WIPF1: variants seen among roughly 807,000 people sequenced by gnomAD.
WIPF1 encodes the protein WAS/WASL-interacting protein family member 1.
Under a neutral mutation model 35.4 loss-of-function variants are expected in WIPF1, and 13 were observed. The observed-to-expected ratio is 0.37, with a 90% CI of 0.24 to 0.58. WIPF1 has a LOEUF of 0.58. Among genes scored for constraint, WIPF1 ranks in the 20% least tolerant of loss-of-function variants. The pLI, the probability that WIPF1 is intolerant of heterozygous loss-of-function variation, is 0.74. For synonymous variants in WIPF1, 267 were observed against 266.3 expected, an observed-to-expected ratio of 1.00 and a Z score of -0.02; for missense variants, 591 against 667.0, an observed-to-expected ratio of 0.89 and a Z score of 1.25.
At chr2:174,573,657 G>A (rs566951632) in intron 4 of WIPF1, among the ~76,000 whole-genome samples, 31 of 152,292 alleles carry the variant, frequency 2.0e-4, no homozygotes, top group African/African-American at 6.3e-4. Context: ...GCCAGCAGGT[G>A]CAGAGGCCCT....
Position 174,582,827 on chromosome 2 carries a change from A to G in WIPF1, c.52-1388T>C, listed in dbSNP as rs149029209. Among the ~76,000 whole-genome samples, 10 of 152,360 alleles carry G rather than the reference A, an allele frequency of 6.6e-5. No homozygotes were observed. In the East Asian group the frequency reaches 1.9e-3, roughly 29 times the overall value. ...GTGGTAAAGTTGGAAGCATCTTGAA[A>G]TAACTAAATGATGAAGTATTACTTG... On this transcript the variant is annotated intron_variant, in intron 2 of 7. Transcript: ENST00000679041.
chr2:174,560,097 A>T lies in WIPF1; in HGVS notation c.*2450T>A, dbSNP rs2358888. On this transcript the variant is annotated 3_prime_UTR_variant, in exon 8 of 8. Coordinates refer to ENST00000679041, the MANE Select transcript of WIPF1 (RefSeq NM_001375834.1). ...GAATACATTTATCTGAAAATGTTAT[A>T]AAAAAACACACATGTAAGCTCTGAT... is the stretch of plus-strand genomic sequence containing the variant. 8,848 of 152,610 alleles carry T rather than the reference A, an allele frequency of 0.058. 295 individuals are homozygous for T. The highest frequency in any genetic ancestry group is 0.17 in the Middle Eastern group (51 of 294). 9.5% of individuals were successfully genotyped at this position (152,610 alleles called of 1,614,324 possible).
At position 174,567,147 on chromosome 2, in the gene WIPF1, G is replaced by C. The variant is rs1229465921; in HGVS notation, c.1379C>G (p.Ser460Cys). Residue 460 changes from serine (S) to cysteine (C), a missense_variant, in exon 7 of 8, where the codon TCC becomes TGC. By Grantham distance (112) the Ser-to-Cys change is moderately radical. Transcript: ENST00000679041. ...WESRFYFHPI[S>C]DLPPPEPYVQ... ...ATATGGCTCTGGAGGTGGCAAATCGGAAATCGGATGGAAGTAGAATCTGCT... is the reference window on the plus strand; with the variant it reads ...ATATGGCTCTGGAGGTGGCAAATCGCAAATCGGATGGAAGTAGAATCTGCT... 1 of 1,614,244 alleles carries C rather than the reference G, an allele frequency of 6.2e-7. No homozygotes were observed. Among genetic ancestry groups the C allele is most frequent in the Non-Finnish European group, 8.5e-7 (1 of 1,180,038 alleles).
chr2:174,647,558 G>C (rs1348576789), intron 1 of WIPF1, among the ~76,000 whole-genome samples: 1 of 151,568 alleles, frequency 6.6e-6, no homozygotes. Flanking sequence ...ATTTTTAGTA[G>C]AGATGAGGTT....
chr2:174,631,511 A>C (rs941729571), intron 1 of WIPF1, among the ~76,000 whole-genome samples: 7 of 152,182 alleles, frequency 4.6e-5, no homozygotes, highest in Admixed American at 3.9e-4. Flanking sequence ...TCAGTTTTGC[A>C]AAATAAAGAG....
Position 174,568,025 on chromosome 2 carries a change from C to T in WIPF1, c.1178G>A (p.Arg393Gln), listed in dbSNP as rs755626909. ...PPVSRNGSTS[R>Q]ALPATPQLPS... ...CAACTGAGGGGTAGCAGGCAGGGCC[C>T]GAGATGTGCTGCCGTTTCTGCTTAC... The change falls in exon 6 of 8, where the codon CGG (arginine) becomes CAG (glutamine). Residue 393 changes from arginine to glutamine, a missense_variant. Coordinates refer to ENST00000679041, the MANE Select transcript of WIPF1 (RefSeq NM_001375834.1). The T allele has an allele frequency of 1.3e-5, 21 of 1,613,514 alleles. No individual in the cohort carries two copies. The highest frequency in any genetic ancestry group is 1.2e-4 in the South Asian group (11 of 91,066).
In WIPF1 at chr2:174,562,169, G is replaced by C; in HGVS notation, c.*378C>G. On this transcript the variant is annotated 3_prime_UTR_variant, in exon 8 of 8. Coordinates refer to ENST00000679041, the MANE Select transcript of WIPF1 (RefSeq NM_001375834.1). ...GAGAGGAGGCCAAGCATGCGAAAAA[G>C]GAACGGGAGAAAACAGCTCTCAGGG... is the stretch of plus-strand genomic sequence containing the variant. 6.4e-7 allele frequency: 1 copy of C among 1,550,486 alleles called. No individual in the cohort carries two copies. Among genetic ancestry groups the C allele is most frequent in the Non-Finnish European group, 8.7e-7 (1 of 1,146,978 alleles).
upstream of WIPF1, among the ~76,000 whole-genome samples, chr2:174,599,263 A>G (rs1049469897): frequency 1.3e-5 from 2 of 152,128 alleles, no homozygotes; most frequent in African/African-American, 2.4e-5. Context: ...GAAATTTCCT[A>G]TGGTGCTTAT....
At chr2:174,681,994 T>A (rs762188727) in intron 1 of WIPF1, among the ~76,000 whole-genome samples, 2 of 152,152 alleles carry the variant, frequency 1.3e-5, no homozygotes, top group Non-Finnish European at 2.9e-5. Context: ...AGCGACTGGG[T>A]CAGCTGCTTT....
chr2:174,601,019 G>A (rs1289150283), upstream of WIPF1, among the ~76,000 whole-genome samples: 2 of 138,360 alleles, frequency 1.4e-5, no homozygotes, highest in African/African-American at 5.4e-5. Flanking sequence ...TCACTTCCCA[G>A]GTTCAAGCGA....
chr2:174,670,203 G>C (rs556925510), intron 1 of WIPF1, among the ~76,000 whole-genome samples: 1 of 152,224 alleles, frequency 6.6e-6, no homozygotes, highest in East Asian at 1.9e-4. Context: ...CCATCCCACT[G>C]ATGGGGGTCT....
chr2:174,654,082 T>C lies in WIPF1; in HGVS notation c.-39+28692A>G, dbSNP rs547671102. On this transcript the variant is annotated intron_variant, in intron 1 of 8. Coordinates refer to the WIPF1 transcript ENST00000272746. ...TGAAGAGAAAATTCAAATAGAGTTC[T>C]CATACATCAAACATATGACAGAGGC... is the stretch of plus-strand genomic sequence containing the variant. Among the ~76,000 whole-genome samples the C allele has an allele frequency of 1.9e-3, 286 of 152,360 alleles. 3 individuals carry two copies. In the Middle Eastern group the frequency reaches 0.041, roughly 22 times the overall value.
chr2:174,562,700 C>T, intron 7 of WIPF1, 98 bp from the exon 8 acceptor site: 1 of 1,491,970 alleles, frequency 6.7e-7, no homozygotes, highest in Non-Finnish European at 9.2e-7. Context: ...ACTACCTCAT[C>T]CCTATGACCA....
chr2:174,679,327 G>C (rs1237418369), intron 1 of WIPF1, among the ~76,000 whole-genome samples: 1 of 152,074 alleles, frequency 6.6e-6, no homozygotes, highest in African/African-American at 2.4e-5. Flanking sequence ...AAATTAGCCG[G>C]GCGTGGTGCA....
At chr2:174,589,631 GA>G (rs11317527) in intron 1 of WIPF1, among the ~76,000 whole-genome samples, 46,286 of 151,872 alleles carry the variant, frequency 0.3, 7,372 homozygotes, top group Non-Finnish European at 0.35. Context: ...GAACTTGTAT[GA>G]AAAAAAAGTA....
intron 4 of WIPF1, among the ~76,000 whole-genome samples, chr2:174,573,208 A>T (rs1450496559): frequency 1.3e-5 from 2 of 151,560 alleles, no homozygotes; most frequent in African/African-American, 4.9e-5. Flanking sequence ...CTAAAGGGGG[A>T]ACCAAAGAGA....
chr2:174,613,824 C>A (rs1463219299), intron 1 of WIPF1, among the ~76,000 whole-genome samples: 1 of 152,104 alleles, frequency 6.6e-6, no homozygotes, highest in Non-Finnish European at 1.5e-5. Context: ...AGAATGAAGA[C>A]TTTTATAATG....
In WIPF1 at chr2:174,572,226, G is replaced by A. The variant is rs1352948196; in HGVS notation, c.579C>T (p.Pro193=). The A allele has an allele frequency of 1.9e-6, 3 of 1,614,050 alleles. No homozygotes were observed. The highest frequency in any genetic ancestry group is 2.5e-6 in the Non-Finnish European group (3 of 1,180,020). Residue 193 remains proline, a synonymous_variant, in exon 5 of 8, where the codon CCC becomes CCT. Coordinates refer to ENST00000679041, the MANE Select transcript of WIPF1 (RefSeq NM_001375834.1). Reference sequence around the variant, plus strand: ...CCCGGTTGTGCGGACTTGATTGAATGGGTCTTGGAGTACTAGGTACTGGAG... The same window carrying A: ...CCCGGTTGTGCGGACTTGATTGAATAGGTCTTGGAGTACTAGGTACTGGAG... The part of the protein sequence containing the change: ...IPPPVPSTPR[P]IQSSPHNRGS...
intron 1 of WIPF1, among the ~76,000 whole-genome samples, chr2:174,617,329 G>C (rs1686536461): frequency 6.6e-6 from 1 of 152,192 alleles, no homozygotes; most frequent in African/African-American, 2.4e-5. Flanking sequence ...ATAAGGGTTA[G>C]AATACTTTGT....
Sources: allele counts gnomAD v4.1 joint callset (sites outside exome capture counted in the v4.1 genomes callset), GRCh38; gene constraint gnomAD v4.1.1; transcripts MANE v1.5; gene names NCBI Gene and HGNC (gene_info 2026-07-23, HGNC 2026-07-21).